Variants in BMP6 observed in about 807,000 individuals in gnomAD.
BMP6 encodes the protein bone morphogenetic protein 6.
BMP6 carries 17 observed loss-of-function variants against 54.1 expected under a neutral mutation model. The ratio of observed to expected loss-of-function variants is 0.31; its 90% CI spans 0.22 to 0.47. The LOEUF (loss-of-function observed/expected upper bound fraction) is 0.47, where lower values mean the gene tolerates loss of function less well. Ranked by LOEUF, BMP6 falls within the 20% of genes least tolerant of loss-of-function variation. The pLI, the probability that BMP6 is intolerant of heterozygous loss-of-function variation, is 1.00. For missense variants in BMP6, 720 were observed against 690.4 expected (o/e 1.04, Z -0.48); for synonymous variants, 328 against 291.2 (o/e 1.13, Z -1.28).
intron 2 of BMP6, among the ~76,000 whole-genome samples, chr6:7,853,250 G>A (rs1208508011): frequency 1.3e-5 from 2 of 152,070 alleles, no homozygotes; most frequent in African/African-American, 4.8e-5. Flanking sequence ...ATGTTAGTTT[G>A]ATACATCATG....
At chr6:7,774,100 C>T (rs1008894059) in intron 1 of BMP6, among the ~76,000 whole-genome samples, 1 of 152,124 alleles carries the variant, frequency 6.6e-6, no homozygotes, top group Non-Finnish European at 1.5e-5. Context: ...CTGGACTTCA[C>T]GAAACGGGTC....
intron 1 of BMP6, among the ~76,000 whole-genome samples, chr6:7,844,851 G>A (rs548875015): frequency 3.9e-5 from 6 of 152,104 alleles, no homozygotes; most frequent in Admixed American, 6.5e-5. Flanking sequence ...AAACTTTAAC[G>A]CAAGAGTTTT....
intron 1 of BMP6, among the ~76,000 whole-genome samples, chr6:7,752,439 A>G (rs1757440151): frequency 6.6e-6 from 1 of 152,174 alleles, no homozygotes. Context: ...AAGAAAGTCT[A>G]TCTAATGCCA....
rs970149702 is a variant in BMP6, at chr6:7,861,608, T to C, written c.1006+9T>C. Reference sequence around the variant, plus strand: ...CGTGGTGACAAGGGATGGTAAGTTATTATCCGCAAGCCTCCAACGTCCAGC... The same window carrying C: ...CGTGGTGACAAGGGATGGTAAGTTACTATCCGCAAGCCTCCAACGTCCAGC... On this transcript the variant is annotated intron_variant, in intron 3 of 6. Transcript: ENST00000283147. The C allele has an allele frequency of 2.0e-5, 33 of 1,613,868 alleles. No homozygotes were observed. Among genetic ancestry groups the C allele is most frequent in the Non-Finnish European group, 2.7e-5 (32 of 1,179,852 alleles).
intron 1 of BMP6, among the ~76,000 whole-genome samples, chr6:7,734,854 G>A (rs182668776): frequency 2.0e-5 from 3 of 152,206 alleles, no homozygotes; most frequent in African/African-American, 4.8e-5. Context: ...TGACTGGGTC[G>A]AAGAATCTCC....
intron 1 of BMP6, among the ~76,000 whole-genome samples, chr6:7,750,365 G>A (rs1054876210): frequency 2.0e-5 from 3 of 152,174 alleles, no homozygotes; most frequent in African/African-American, 7.2e-5. Context: ...AGATATGTTT[G>A]GGGGAGTATC....
At chr6:7,737,285 C>T (rs1186635811) in intron 1 of BMP6, among the ~76,000 whole-genome samples, 5 of 151,996 alleles carry the variant, frequency 3.3e-5, no homozygotes, top group African/African-American at 2.4e-5. Flanking sequence ...TGGTTTAATA[C>T]TTCTCTGTGG....
rs1321724870 is a variant in BMP6 at position 7,727,628 on chromosome 6, T to A, written c.664+9T>A. ...GAGCTTTGTGAACCTGGGTAAGGAT[T>A]TGGGGTAACGTAATGACGAGAACAT... On this transcript the variant is annotated intron_variant, in intron 1 of 6. Coordinates refer to ENST00000283147, the MANE Select transcript of BMP6 (RefSeq NM_001718.6). The A allele has an allele frequency of 6.5e-7, 1 of 1,536,282 alleles. No individual in the cohort carries two copies. Among genetic ancestry groups the A allele is most frequent in the East Asian group, 2.3e-5 (1 of 42,738 alleles).
chr6:7,749,089 C>T lies in BMP6; in HGVS notation c.664+21470C>T, dbSNP rs563221236. On this transcript the variant is annotated intron_variant, in intron 1 of 6. Coordinates refer to ENST00000283147, the MANE Select transcript of BMP6 (RefSeq NM_001718.6). ...GCGCTTTCCTGCAGATTTCCATTGT[C>T]CACAGTGTGTTTCATCTACAAAAGG... is the stretch of plus-strand genomic sequence containing the variant. Among the ~76,000 whole-genome samples, 3 of 152,316 alleles carry T rather than the reference C, an allele frequency of 2.0e-5. No individual in the cohort carries two copies. The South Asian group carries it at 6.2e-4, about 32-fold the overall frequency.
chr6:7,772,133 C>A (rs1006354659), intron 1 of BMP6, among the ~76,000 whole-genome samples: 4 of 152,094 alleles, frequency 2.6e-5, no homozygotes, highest in African/African-American at 9.7e-5. Flanking sequence ...TTAGGGTCAT[C>A]CTTGGGAACC....
intron 1 of BMP6, among the ~76,000 whole-genome samples, chr6:7,825,741 CA>C (rs569092342): frequency 3.4e-5 from 5 of 145,672 alleles, no homozygotes; most frequent in East Asian, 3.9e-4. Flanking sequence ...AAACAAAAAC[CA>C]AAAAAAAAAC....
At chr6:7,821,436 G>A (rs748645776) in intron 1 of BMP6, among the ~76,000 whole-genome samples, 13 of 152,160 alleles carry the variant, frequency 8.5e-5, no homozygotes, top group Non-Finnish European at 1.3e-4. Flanking sequence ...TGTAATCCCC[G>A]CACTTTGGGA....
intron 1 of BMP6, among the ~76,000 whole-genome samples, chr6:7,795,312 G>C (rs1329292411): frequency 1.3e-5 from 2 of 152,192 alleles, no homozygotes; most frequent in East Asian, 3.9e-4. Flanking sequence ...GATGGTCAGT[G>C]TGGGTTTTTG....
intron 1 of BMP6, among the ~76,000 whole-genome samples, chr6:7,759,284 A>G (rs1757571598): frequency 6.6e-6 from 1 of 152,182 alleles, no homozygotes. Context: ...TTGCCACAGA[A>G]TCTGGCCAAA....
intron 1 of BMP6, among the ~76,000 whole-genome samples, chr6:7,806,494 T>C (rs1397206164): frequency 6.6e-6 from 1 of 152,238 alleles, no homozygotes; most frequent in East Asian, 1.9e-4. Context: ...CTTACATGTG[T>C]ATGGCTTTTG....
intron 4 of BMP6, among the ~76,000 whole-genome samples, chr6:7,869,576 G>A (rs1203306107): frequency 6.6e-6 from 1 of 152,164 alleles, no homozygotes; most frequent in Non-Finnish European, 1.5e-5. Flanking sequence ...CTGGATGAGA[G>A]AGCTATTCTG....
intron 4 of BMP6, among the ~76,000 whole-genome samples, chr6:7,868,887 T>TCTCTCC (rs913059379): frequency 6.6e-6 from 1 of 151,886 alleles, no homozygotes; most frequent in Non-Finnish European, 1.5e-5. Context: ...CCTCCCCACC[T>TCTCTCC]CTCTCCCTCT....
At position 7,880,261 on chromosome 6, in the gene BMP6, C is replaced by G. The variant is rs139361183; in HGVS notation, c.1460C>G (p.Ser487Trp). 1 of 1,614,122 alleles carries G rather than the reference C, an allele frequency of 6.2e-7. No individual in the cohort carries two copies. Among genetic ancestry groups the G allele is most frequent in the Admixed American group, 1.7e-5 (1 of 60,010 alleles). Residue 487 changes from serine (S) to tryptophan (W), a missense_variant, in exon 7 of 7, where the codon TCG (serine) becomes TGG (tryptophan). Around this residue, in one of 3 missense-constraint regions of BMP6, gnomAD observed 43 missense variants for 54.0 expected, o/e 0.80. Coordinates refer to ENST00000283147, the MANE Select transcript of BMP6 (RefSeq NM_001718.6). Reference protein sequence around the residue: ...CCAPTKLNAISVLYFDDNSNV... With the variant: ...CCAPTKLNAIWVLYFDDNSNV... ...GCGCCAACTAAGCTAAATGCCATCT[C>G]GGTTCTTTACTTTGATGACAACTCC...
At chr6:7,768,917 A>G (rs896492876) in intron 1 of BMP6, among the ~76,000 whole-genome samples, 8 of 152,206 alleles carry the variant, frequency 5.3e-5, no homozygotes, top group African/African-American at 1.9e-4. Context: ...CACTTTATGA[A>G]CTATAAAACC....
Sources: gnomAD v4.1 joint callset for allele counts (sites outside exome capture counted in the v4.1 genomes callset) on GRCh38, gnomAD v4.1.1 for gene constraint, gnomAD v4.1.1 regional missense constraint, MANE v1.5 for transcripts, NCBI Gene and HGNC (gene_info 2026-07-23, HGNC 2026-07-21) for gene names.